MATK: variants seen among roughly 807,000 people sequenced by gnomAD.
MATK encodes the protein megakaryocyte-associated tyrosine-protein kinase.
MATK carries 41 observed loss-of-function variants against 59.8 expected under a neutral mutation model. The observed-to-expected ratio is 0.69, with a 90% CI of 0.53 to 0.89. The LOEUF (loss-of-function observed/expected upper bound fraction) is 0.89, where lower values mean the gene tolerates loss of function less well. MATK is among the 40% of genes least tolerant of loss of function. The probability of loss-of-function intolerance (pLI) is 0.00; values close to 1 mark genes in which losing one functional copy is unlikely to be tolerated. For missense variants in MATK, 593 were observed against 719.6 expected (o/e 0.82, Z 2.01); for synonymous variants, 308 against 306.1 (o/e 1.01, Z -0.06).
intron 7 of MATK, 59 bp from the exon 8 acceptor site, chr19:3,781,731 G>A (rs1175043901): frequency 3.0e-6 from 4 of 1,352,168 alleles, no homozygotes; most frequent in African/African-American, 2.9e-5. Context: ...CCCATTGGGG[G>A]TTCTACTTGG....
intron 8 of MATK, 130 bp downstream of exon 8, chr19:3,781,477 G>T (rs1357761202): frequency 5.4e-6 from 5 of 932,930 alleles, no homozygotes; most frequent in Non-Finnish European, 8.5e-6. Context: ...AGGCTCAGAG[G>T]ATTTGCACGT....
At position 3,778,926 on chromosome 19, in the gene MATK, C is replaced by T; in HGVS notation, c.1197+66G>A. On this transcript the variant is annotated intron_variant, in intron 12 of 13. Coordinates refer to ENST00000310132, the MANE Select transcript of MATK (RefSeq NM_139355.3). ...AGTTTCAGAGAGGCCAAGGGACATA[C>T]CCAGGGTCATACAGCAGAGCTGGGG... 2.1e-6 allele frequency: 3 copies of T among 1,455,510 alleles called. 1 individual carries two copies. The highest frequency in any genetic ancestry group is 2.7e-5 in the South Asian group (2 of 72,932). 90.2% of individuals were successfully genotyped at this position (1,455,510 alleles called of 1,614,324 possible).
chr19:3,779,284 C>T (rs2037363135), intron 11 of MATK, 94 bp downstream of exon 11: 4 of 1,559,226 alleles, frequency 2.6e-6, no homozygotes, highest in African/African-American at 1.4e-5. Flanking sequence ...GCTCACAAAG[C>T]CTCCCTGCCC....
chr19:3,794,048 C>T, intron 1 of MATK, among the ~76,000 whole-genome samples: 1 of 152,052 alleles, frequency 6.6e-6, no homozygotes, highest in Non-Finnish European at 1.5e-5. Context: ...ACATGCTCTT[C>T]CTATCTCCTA....
chr19:3,795,751 CTTTTTTTTTTTTTTTTT>C (rs530367941), intron 1 of MATK, among the ~76,000 whole-genome samples: 2 of 54,788 alleles, frequency 3.7e-5, no homozygotes, highest in Non-Finnish European at 7.4e-5. Flanking sequence ...TAAGTAGGTG[CTTTTTTTTTTTTTTTTT>C]TTTTTTTTTT....
In MATK at chr19:3,778,145, T is replaced by C. The variant is rs1278713079; in HGVS notation, c.*38A>G. 1.3e-6 allele frequency: 2 copies of C among 1,528,506 alleles called. No individual in the cohort carries two copies. The highest frequency in any genetic ancestry group is 1.7e-6 in the Non-Finnish European group (2 of 1,143,494). The allele number at this position is 1,528,506 out of a possible 1,614,324, so 94.7% of individuals were successfully genotyped here. On this transcript the variant is annotated 3_prime_UTR_variant, in exon 14 of 14. Transcript: ENST00000310132. Reference sequence around the variant, plus strand: ...TGCCCCCACGCCGCACTCTCCACTCTCTCGGTCCTCTGGGGCCAAGGGCCC... The same window carrying C: ...TGCCCCCACGCCGCACTCTCCACTCCCTCGGTCCTCTGGGGCCAAGGGCCC...
chr19:3,784,340 C>G lies in MATK; in HGVS notation c.244G>C (p.Glu82Gln), dbSNP rs762301988. ...CACACCCGCCGGCCACCTCTCACCT[C>G]GCAGGCCTCCAGGATGGTGACCACG... ...GDVVTILEAC[E>Q]NKSWYRVKHH... The change falls in exon 4 of 14, where the codon GAG becomes CAG. Residue 82 changes from glutamate (E) to glutamine (Q), a missense_variant and splice_region_variant. Glu to Gln is a conservative substitution (Grantham distance 29, BLOSUM62 2). Coordinates refer to ENST00000310132, the MANE Select transcript of MATK (RefSeq NM_139355.3). 5 of 1,603,880 alleles carry G rather than the reference C, an allele frequency of 3.1e-6. 1 individual carries two copies. The Admixed American group carries it at 8.5e-5, about 27-fold the overall frequency.
upstream of MATK, among the ~76,000 whole-genome samples, chr19:3,788,959 G>A (rs771223444): frequency 6.6e-5 from 10 of 152,180 alleles, no homozygotes; most frequent in Admixed American, 2.6e-4. Flanking sequence ...CCAAAGTGCT[G>A]GGATTATAGG....
chr19:3,789,053 G>T (rs2037516410), upstream of MATK, among the ~76,000 whole-genome samples: 1 of 152,134 alleles, frequency 6.6e-6, no homozygotes, highest in South Asian at 2.1e-4. Context: ...CTGGGAGGAT[G>T]CCCGTGTCTA....
chr19:3,796,147 A>G (rs756329384), intron 1 of MATK, among the ~76,000 whole-genome samples: 58 of 152,310 alleles, frequency 3.8e-4, no homozygotes, highest in Middle Eastern at 3.4e-3. Flanking sequence ...CTCAAAATAT[A>G]TAAATAAAGC....
At chr19:3,797,595 G>A (rs2037607859) in intron 1 of MATK, among the ~76,000 whole-genome samples, 1 of 151,796 alleles carries the variant, frequency 6.6e-6, no homozygotes, top group Non-Finnish European at 1.5e-5. Flanking sequence ...GACTGTCAGA[G>A]TTTTAATTTC....
At chr19:3,785,355 C>T (rs1367947297) in intron 1 of MATK, 69 bp from the exon 2 acceptor site, 4 of 1,094,666 alleles carry the variant, frequency 3.7e-6, no homozygotes, top group South Asian at 3.3e-5. Flanking sequence ...AATCTCTGAC[C>T]GTGGGGTGGA....
At chr19:3,780,678 C>T (rs886675234) in intron 8 of MATK, among the ~76,000 whole-genome samples, 16 of 151,326 alleles carry the variant, frequency 1.1e-4, no homozygotes, top group Admixed American at 7.2e-4. Flanking sequence ...GTGATCCGCC[C>T]GCCTCAGCCT....
chr19:3,795,776 T>G (rs1310398331), intron 1 of MATK, among the ~76,000 whole-genome samples: 4 of 140,980 alleles, frequency 2.8e-5, no homozygotes, highest in Middle Eastern at 3.2e-3. Context: ...TTTTTTTTTT[T>G]TTTGAGATGG....
chr19:3,780,899 C>T lies in MATK; in HGVS notation c.742+708G>A, dbSNP rs1599195925. ...TACAGGCATGCTCCACTGTGCCTGG[C>T]TTTTTTTTTGTACAGATGGGGGTCT... On this transcript the variant is annotated intron_variant, in intron 8 of 13. Transcript: ENST00000310132. 2.0e-5 allele frequency among the ~76,000 whole-genome samples: 3 copies of T among 150,838 alleles called. No individual in the cohort carries two copies. In the East Asian group the frequency reaches 5.8e-4, roughly 29 times the overall value.
chr19:3,791,352 T>C (rs1283807786), upstream of MATK, among the ~76,000 whole-genome samples: 654 of 140,274 alleles, frequency 4.7e-3, 7 homozygotes, highest in Middle Eastern at 0.011. Flanking sequence ...CTCCCCCCAC[T>C]TTTTTTTTTT....
rs1054943924 is a variant in MATK at position 3,797,674 on chromosome 19, C to T, written c.-58+3858G>A. On this transcript the variant is annotated intron_variant, in intron 1 of 13. Transcript: ENST00000395045. Reference sequence around the variant, plus strand: ...AAACTTGGCTGTGTGTGGTGGCTCACGGAGCTCAGGAGTTTGAGACCAGCC... The same window carrying T: ...AAACTTGGCTGTGTGTGGTGGCTCATGGAGCTCAGGAGTTTGAGACCAGCC... Among the ~76,000 whole-genome samples the T allele has an allele frequency of 6.6e-5, 10 of 151,806 alleles. 1 individual carries two copies. The East Asian group carries it at 1.2e-3, about 18-fold the overall frequency.
In MATK at chr19:3,779,138, G is replaced by A. The variant is rs769576742; in HGVS notation, c.1051C>T (p.Arg351Cys). Reference protein sequence around the residue: ...EYLESKKLVHRDLAARNILVS... With the variant: ...EYLESKKLVHCDLAARNILVS... ...AGGATGTTGCGGGCGGCCAGGTCGC[G>A]GTGCACAAGCTTCTTGCTCTCCAGG... The change falls in exon 12 of 14, where the codon CGC (arginine) becomes TGC (cysteine). Residue 351 changes from arginine to cysteine, a missense_variant. Transcript: ENST00000310132. 8 of 1,608,176 alleles carry A rather than the reference G, an allele frequency of 5.0e-6. No individual in the cohort carries two copies. Among genetic ancestry groups the A allele is most frequent in the Non-Finnish European group, 6.8e-6 (8 of 1,178,186 alleles).
chr19:3,797,474 T>G (rs2037606651), intron 1 of MATK, among the ~76,000 whole-genome samples: 1 of 151,606 alleles, frequency 6.6e-6, no homozygotes, highest in African/African-American at 2.4e-5. Flanking sequence ...TTTTTTGATT[T>G]TTAGTCTCAC....
Sources: gnomAD v4.1 joint callset for allele counts (sites outside exome capture counted in the v4.1 genomes callset) on GRCh38, gnomAD v4.1.1 for gene constraint, MANE v1.5 for transcripts, NCBI Gene and HGNC (gene_info 2026-07-23, HGNC 2026-07-21) for gene names.